Variants in SLC20A2 observed in about 807,000 individuals in gnomAD.
The protein encoded by SLC20A2 is sodium-dependent phosphate transporter 2.
SLC20A2 carries 30 observed loss-of-function variants against 61.0 expected under a neutral mutation model. That is an observed-to-expected ratio of 0.49 (90% CI 0.37 to 0.67). SLC20A2 has a LOEUF of 0.67. SLC20A2 is among the 30% of genes least tolerant of loss of function. The pLI is 0.00. For synonymous variants in SLC20A2, 351 were observed against 353.3 expected, an observed-to-expected ratio of 0.99 and a Z score of 0.07; for missense variants, 626 against 866.4, an observed-to-expected ratio of 0.72 and a Z score of 3.48.
At chr8:42,502,529 GTTGA>G (rs1200100305), upstream of SLC20A2, 1 of 152,270 alleles carries the variant, frequency 6.6e-6, no homozygotes, top group Admixed American at 6.5e-5. Flanking sequence ...GCACAAACCG[GTTGA>G]TCTTCATTGG....
At chr8:42,463,709 C>T (rs1026253370) in intron 3 of SLC20A2, among the ~76,000 whole-genome samples, 2 of 152,064 alleles carry the variant, frequency 1.3e-5, no homozygotes, top group Non-Finnish European at 2.9e-5. Flanking sequence ...ATCGCTTCCC[C>T]GGGTCATTCT....
intron 1 of SLC20A2, among the ~76,000 whole-genome samples, chr8:42,509,908 T>C (rs1037836241): frequency 2.0e-5 from 3 of 152,244 alleles, no homozygotes; most frequent in Non-Finnish European, 2.9e-5. Context: ...GCTTATTAAG[T>C]GCAACCTTCA....
At chr8:42,494,575 A>G (rs145919303) in intron 1 of SLC20A2, among the ~76,000 whole-genome samples, 1 of 152,336 alleles carries the variant, frequency 6.6e-6, no homozygotes, top group Non-Finnish European at 1.5e-5. Flanking sequence ...GGTCATAAAT[A>G]CATAATGTTT....
intron 6 of SLC20A2, among the ~76,000 whole-genome samples, chr8:42,442,873 A>G (rs1358903815): frequency 1.3e-5 from 2 of 152,188 alleles, no homozygotes; most frequent in African/African-American, 4.8e-5. Context: ...CCAAATGCAG[A>G]TATATCCATA....
chr8:42,475,204 A>T (rs1209757210), intron 1 of SLC20A2, among the ~76,000 whole-genome samples: 1 of 151,880 alleles, frequency 6.6e-6, no homozygotes. Flanking sequence ...GGCTCAAGCG[A>T]TCCTCCTGCC....
chr8:42,526,118 T>C (rs1811917723), intron 1 of SLC20A2, among the ~76,000 whole-genome samples: 1 of 152,056 alleles, frequency 6.6e-6, no homozygotes, highest in African/African-American at 2.4e-5. Flanking sequence ...TCTGCAGTGG[T>C]GAAGCTGGGC....
At chr8:42,518,820 T>C (rs1239757296) in intron 1 of SLC20A2, among the ~76,000 whole-genome samples, 2 of 152,220 alleles carry the variant, frequency 1.3e-5, no homozygotes, top group Admixed American at 6.5e-5. Flanking sequence ...ACTTTCCTTT[T>C]TGACTACTCA....
chr8:42,435,301 G>C (rs928873670), intron 8 of SLC20A2, among the ~76,000 whole-genome samples: 1 of 152,152 alleles, frequency 6.6e-6, no homozygotes, highest in Non-Finnish European at 1.5e-5. Flanking sequence ...GTAGCCCATG[G>C]GGAGTCACTG....
chr8:42,476,636 A>AT (rs1808130871), intron 1 of SLC20A2, among the ~76,000 whole-genome samples: 1 of 152,210 alleles, frequency 6.6e-6, no homozygotes, highest in African/African-American at 2.4e-5. Context: ...CAGCCCGGAG[A>AT]TCCCCTCTCC....
intron 10 of SLC20A2, among the ~76,000 whole-genome samples, chr8:42,423,850 C>T (rs986507789): frequency 6.6e-6 from 1 of 152,088 alleles, no homozygotes; most frequent in African/African-American, 2.4e-5. Context: ...TTTAATAAAT[C>T]GAGTGTGTTT....
intron 10 of SLC20A2, among the ~76,000 whole-genome samples, chr8:42,424,977 C>T (rs1049608211): frequency 2.0e-5 from 3 of 152,038 alleles, no homozygotes; most frequent in Non-Finnish European, 4.4e-5. Context: ...ACCCAGGAGG[C>T]GGAGGTCGCA....
chr8:42,457,957 T>G (rs1344741809), intron 5 of SLC20A2, among the ~76,000 whole-genome samples: 1 of 152,216 alleles, frequency 6.6e-6, no homozygotes. Context: ...AACTCCTAGT[T>G]TGAGAAAGTA....
At chr8:42,470,323 T>C (rs1331347503) in intron 2 of SLC20A2, among the ~76,000 whole-genome samples, 1 of 149,770 alleles carries the variant, frequency 6.7e-6, no homozygotes, top group Non-Finnish European at 1.5e-5. Context: ...GCTCAAGCAA[T>C]CCTCCCACTT....
intron 9 of SLC20A2, among the ~76,000 whole-genome samples, chr8:42,429,584 C>T (rs1803687792): frequency 6.6e-6 from 1 of 152,240 alleles, no homozygotes; most frequent in African/African-American, 2.4e-5. Context: ...TGAGAGACCA[C>T]ATTTAAAGCC....
At chr8:42,507,942 C>G (rs1278618167) in intron 1 of SLC20A2, among the ~76,000 whole-genome samples, 1 of 152,040 alleles carries the variant, frequency 6.6e-6, no homozygotes. Context: ...GGCGGATCAC[C>G]TGAGGTCAGG....
chr8:42,466,406 A>T (rs1807171913), intron 2 of SLC20A2, among the ~76,000 whole-genome samples: 1 of 152,136 alleles, frequency 6.6e-6, no homozygotes, highest in Non-Finnish European at 1.5e-5. Flanking sequence ...TTTAAAGGCA[A>T]GTCTCCTGGT....
chr8:42,467,454 C>A (rs1807264680), intron 2 of SLC20A2, among the ~76,000 whole-genome samples: 1 of 152,210 alleles, frequency 6.6e-6, no homozygotes, highest in African/African-American at 2.4e-5. Flanking sequence ...TGTAGGGGAA[C>A]AAAGGGCCTG....
intron 5 of SLC20A2, among the ~76,000 whole-genome samples, chr8:42,445,821 C>T (rs1391378728): frequency 6.6e-6 from 1 of 152,212 alleles, no homozygotes; most frequent in Non-Finnish European, 1.5e-5. Flanking sequence ...CGGCAGGAAG[C>T]TGCCATCTGG....
Position 42,521,847 on chromosome 8 carries a change from C to T in SLC20A2, c.-265+19974G>A, listed in dbSNP as rs1440528494. On this transcript the variant is annotated intron_variant, in intron 1 of 10. Coordinates refer to the SLC20A2 transcript ENST00000342228. ...CAAATCTACACGTGATCAAATTGTA[C>T]AGAACTATGGACACGCTTCACCAAT... is the stretch of plus-strand genomic sequence containing the variant. Among the ~76,000 whole-genome samples, 3 of 120,630 alleles carry T rather than the reference C, an allele frequency of 2.5e-5. 1 individual carries two copies. The highest frequency in any genetic ancestry group is 6.0e-5 in the Non-Finnish European group (3 of 50,398). The allele number at this position is 120,630 out of a possible 152,430, so 79.1% of individuals were successfully genotyped here.
Sources: gnomAD v4.1 joint callset for allele counts (sites outside exome capture counted in the v4.1 genomes callset) on GRCh38, gnomAD v4.1.1 for gene constraint, MANE v1.5 for transcripts, NCBI Gene and HGNC (gene_info 2026-07-23, HGNC 2026-07-21) for gene names.